Variants in GPALPP1 observed in about 807,000 individuals in gnomAD.
The protein encoded by GPALPP1 is GPALPP motifs containing 1, also known as GPALPP motifs-containing protein 1.
A neutral mutation model predicts 38.9 loss-of-function variants in GPALPP1; 30 were observed. The ratio of observed to expected loss-of-function variants is 0.77; its 90% CI spans 0.58 to 1.05. The LOEUF is 1.05. Ranked by LOEUF, GPALPP1 falls within the 50% of genes least tolerant of loss-of-function variation. The pLI, the probability that GPALPP1 is intolerant of heterozygous loss-of-function variation, is 0.00. For synonymous variants in GPALPP1, 120 were observed against 139.2 expected, an observed-to-expected ratio of 0.86 and a Z score of 0.97; for missense variants, 384 against 408.8, an observed-to-expected ratio of 0.94 and a Z score of 0.52.
intron 7 of GPALPP1, among the ~76,000 whole-genome samples, chr13:45,024,208 T>TGTGTGTGTG (rs1566084549): frequency 1.2e-5 from 1 of 85,140 alleles, no homozygotes; most frequent in Non-Finnish European, 2.3e-5. Flanking sequence ...TGTGTGTGTG[T>TGTGTGTGTG]TTTGAGACTG....
chr13:45,015,051 A>G lies in GPALPP1; in HGVS notation c.508A>G (p.Arg170Gly). 6.2e-7 allele frequency: 1 copy of G among 1,608,974 alleles called. No homozygotes were observed. The highest frequency in any genetic ancestry group is 8.5e-7 in the Non-Finnish European group (1 of 1,176,060). The change falls in exon 5 of 8, where the codon AGA (arginine) becomes GGA (glycine). Residue 170 changes from arginine (R) to glycine (G), a missense_variant. By Grantham distance (125) the Arg-to-Gly change is moderately radical (BLOSUM62 -2). Coordinates refer to ENST00000379151, the MANE Select transcript of GPALPP1 (RefSeq NM_018559.5). ...VTTEFEKRAQ[R>G]MKEKLTKGDD... ...GACAGAGTTTGAAAAAAGGGCCCAG[A>G]GAATGAAAGAAAAACTGACCAAAGG...
intron 1 of GPALPP1, among the ~76,000 whole-genome samples, chr13:44,991,627 C>A (rs1566069596): frequency 6.6e-6 from 1 of 152,142 alleles, no homozygotes; most frequent in Admixed American, 6.5e-5. Flanking sequence ...CTTCATATAT[C>A]ATTTTTATTT....
intron 7 of GPALPP1, among the ~76,000 whole-genome samples, chr13:45,024,164 T>TGTGTGTGTGC (rs1566084449): frequency 1.4e-4 from 5 of 35,688 alleles, no homozygotes; most frequent in East Asian, 3.4e-3. Flanking sequence ...TGTGTGTGTG[T>TGTGTGTGTGC]GTGTGTGTGT....
chr13:45,003,968 G>GT (rs569291289), intron 1 of GPALPP1, among the ~76,000 whole-genome samples: 27 of 142,314 alleles, frequency 1.9e-4, no homozygotes, highest in African/African-American at 4.2e-4. Context: ...TTGTTTTTTT[G>GT]TTTTTTTTGG....
intron 1 of GPALPP1, among the ~76,000 whole-genome samples, chr13:44,996,352 C>A (rs1242056925): frequency 2.7e-5 from 4 of 146,444 alleles, no homozygotes; most frequent in Non-Finnish European, 6.0e-5. Context: ...AAGACCTTGT[C>A]GCAAAAAAAA....
At chr13:45,023,403 A>G (rs1319323746) in intron 7 of GPALPP1, among the ~76,000 whole-genome samples, 1 of 152,252 alleles carries the variant, frequency 6.6e-6, no homozygotes, top group Non-Finnish European at 1.5e-5. Context: ...ATAATAGTCC[A>G]GTGATTTAAT....
intron 7 of GPALPP1, among the ~76,000 whole-genome samples, chr13:45,022,083 C>A (rs891495128): frequency 6.6e-5 from 10 of 152,038 alleles, no homozygotes; most frequent in African/African-American, 2.2e-4. Flanking sequence ...AGCAAGAAAA[C>A]CAAACTGTGG....
In GPALPP1 at chr13:45,029,546, G is replaced by T. The variant is rs1460421756; in HGVS notation, c.*1543G>T. The T allele has an allele frequency of 6.6e-6, 1 of 152,108 alleles. No individual in the cohort carries two copies. The highest frequency in any genetic ancestry group is 6.5e-5 in the Admixed American group (1 of 15,268). The allele number at this position is 152,108 out of a possible 1,614,324, so 9.4% of individuals were successfully genotyped here. A position where few individuals can be genotyped will look rare whatever the true frequency, so the allele number is the denominator to read the frequency against. On this transcript the variant is annotated 3_prime_UTR_variant, in exon 8 of 8. Coordinates refer to ENST00000379151, the MANE Select transcript of GPALPP1 (RefSeq NM_018559.5). ...TGGTGTCTCACAAGTACCCTCTAAG[G>T]TCTGGTCAGGACTGACCACCAAATC...
downstream of GPALPP1, among the ~76,000 whole-genome samples, chr13:45,032,771 C>T (rs544166741): frequency 6.7e-6 from 1 of 149,410 alleles, no homozygotes; most frequent in Non-Finnish European, 1.5e-5. Context: ...TGCGGTGGCT[C>T]ACGCCTGTAA....
Position 44,989,745 on chromosome 13 carries a change from A to G in GPALPP1, c.88+3A>G, listed in dbSNP as rs377199799. ...CGAAGAGCGGGACCCGAGCCCTGGT[A>G]AGCGGCGGCGTCTCCGCTGCCCACC... is the stretch of plus-strand genomic sequence containing the variant. On this transcript the variant is annotated splice_donor_region_variant and intron_variant, in intron 1 of 7. Transcript: ENST00000379151. 6.2e-7 allele frequency: 1 copy of G among 1,604,914 alleles called. No homozygotes were observed. Among genetic ancestry groups the G allele is most frequent in the Non-Finnish European group, 8.5e-7 (1 of 1,177,606 alleles).
intron 1 of GPALPP1, among the ~76,000 whole-genome samples, chr13:44,992,442 T>C (rs561085904): frequency 5.8e-4 from 89 of 152,314 alleles, no homozygotes; most frequent in Middle Eastern, 6.8e-3. Flanking sequence ...TGTTGGTATG[T>C]TTTGATTAAC....
intron 6 of GPALPP1, among the ~76,000 whole-genome samples, chr13:45,019,879 AT>A (rs34893767): frequency 5.0e-4 from 43 of 85,578 alleles, no homozygotes; most frequent in Middle Eastern, 0.015. Flanking sequence ...TAATATTTTG[AT>A]TTTTTTTTTT....
At chr13:45,025,996 C>T (rs1875806379) in intron 7 of GPALPP1, among the ~76,000 whole-genome samples, 1 of 137,614 alleles carries the variant, frequency 7.3e-6, no homozygotes, top group Non-Finnish European at 1.5e-5. Flanking sequence ...TCTCGAACTC[C>T]CGACCTCAGG....
chr13:44,996,129 A>G (rs1409744465), intron 1 of GPALPP1, among the ~76,000 whole-genome samples: 2 of 152,070 alleles, frequency 1.3e-5, no homozygotes, highest in Admixed American at 6.5e-5. Flanking sequence ...CTAAGGTGGG[A>G]GGATCACTTG....
chr13:45,016,251 C>T (rs959440616), intron 6 of GPALPP1, among the ~76,000 whole-genome samples: 3 of 152,076 alleles, frequency 2.0e-5, no homozygotes, highest in Non-Finnish European at 4.4e-5. Context: ...GTCAGGAGTT[C>T]GAGACCAGCC....
At chr13:45,035,454 T>C (rs1399782203) in exon 8 of GPALPP1, 1 of 152,238 alleles carries the variant, frequency 6.6e-6, no homozygotes, top group Non-Finnish European at 1.5e-5. Context: ...CATTAATACA[T>C]TGATCTGAAC....
downstream of GPALPP1, chr13:45,031,212 T>G (rs1876181841): frequency 6.6e-6 from 1 of 152,170 alleles, no homozygotes; most frequent in Non-Finnish European, 1.5e-5. Context: ...TTGAAAAAGC[T>G]TCTTGTGTAC....
intron 6 of GPALPP1, among the ~76,000 whole-genome samples, chr13:45,018,903 A>ATATAAATG (rs1875074026): frequency 1.4e-5 from 2 of 146,584 alleles, no homozygotes; most frequent in African/African-American, 4.9e-5. Flanking sequence ...ATATATATAC[A>ATATAAATG]TATAAATATA....
At chr13:45,008,672 G>A in intron 3 of GPALPP1, 123 bp from the exon 4 acceptor site, 1 of 597,814 alleles carries the variant, frequency 1.7e-6, no homozygotes, top group East Asian at 2.8e-5. Flanking sequence ...AAAATAAAGT[G>A]TTAAATAAAA....
Sources: allele counts gnomAD v4.1 joint callset (sites outside exome capture counted in the v4.1 genomes callset), GRCh38; gene constraint gnomAD v4.1.1; transcripts MANE v1.5; gene names NCBI Gene and HGNC (gene_info 2026-07-23, HGNC 2026-07-21).